The following RALYL variants were observed in gnomAD, a reference collection of about 807,000 sequenced individuals.
The protein encoded by RALYL is RALY RNA binding protein like, also known as RNA-binding Raly-like protein.
A neutral mutation model predicts 35.1 loss-of-function variants in RALYL; 29 were observed. That is an observed-to-expected ratio of 0.83 (90% CI 0.61 to 1.13). The LOEUF (loss-of-function observed/expected upper bound fraction) is 1.13, where lower values mean the gene tolerates loss of function less well. Ranked by LOEUF, RALYL falls within the 50% of genes most tolerant of loss-of-function variation. The probability of loss-of-function intolerance (pLI) is 0.00; values close to 1 mark genes in which losing one functional copy is unlikely to be tolerated. For synonymous variants in RALYL, 120 were observed against 127.6 expected (o/e 0.94, Z 0.40); for missense variants, 359 against 360.4 (o/e 1.00, Z 0.03).
intron 1 of RALYL, among the ~76,000 whole-genome samples, chr8:84,311,699 A>G (rs1842848329): frequency 6.6e-6 from 1 of 152,178 alleles, no homozygotes; most frequent in African/African-American, 2.4e-5. Context: ...AGAAAAAAGA[A>G]TAAATAACTA....
intron 3 of RALYL, 86 bp downstream of exon 3, chr8:84,774,740 C>T (rs2718970): frequency 0.23 from 180,638 of 792,028 alleles, 22,107 homozygotes; most frequent in Non-Finnish European, 0.24. Flanking sequence ...AAGGCATCCA[C>T]TATTTAAAAT....
At chr8:84,317,512 G>A (rs1843972496) in intron 1 of RALYL, among the ~76,000 whole-genome samples, 1 of 152,200 alleles carries the variant, frequency 6.6e-6, no homozygotes, top group Non-Finnish European at 1.5e-5. Flanking sequence ...AGCAATGAGA[G>A]AATCTTTTCA....
At chr8:84,848,415 G>A (rs1563737832) in intron 4 of RALYL, among the ~76,000 whole-genome samples, 2 of 144,768 alleles carry the variant, frequency 1.4e-5, no homozygotes, top group African/African-American at 4.9e-5. Context: ...ATATGTGTGT[G>A]TATATATATA....
intron 2 of RALYL, among the ~76,000 whole-genome samples, chr8:84,638,279 A>G (rs1326884990): frequency 1.4e-5 from 2 of 148,122 alleles, no homozygotes; most frequent in East Asian, 1.9e-4. Context: ...TAGTGACACA[A>G]CCTATCAAAA....
chr8:84,758,290 T>C (rs1199428864), intron 2 of RALYL, among the ~76,000 whole-genome samples: 2 of 152,224 alleles, frequency 1.3e-5, no homozygotes, highest in African/African-American at 2.4e-5. Context: ...ACCTGATTAG[T>C]ACTTTTTCTT....
At chr8:84,598,140 C>T (rs1320934229) in intron 2 of RALYL, among the ~76,000 whole-genome samples, 2 of 152,016 alleles carry the variant, frequency 1.3e-5, no homozygotes, top group Non-Finnish European at 2.9e-5. Flanking sequence ...ATGCCTTACT[C>T]CTCCCTCTTT....
intron 1 of RALYL, among the ~76,000 whole-genome samples, chr8:84,356,895 A>ATT (rs1160720299): frequency 0.025 from 3,577 of 142,538 alleles, 210 homozygotes; most frequent in African/African-American, 0.037. Flanking sequence ...TATATATAGA[A>ATT]TAATAGAGTA....
At chr8:84,200,126 C>T (rs1009431822) in intron 1 of RALYL, among the ~76,000 whole-genome samples, 5 of 152,098 alleles carry the variant, frequency 3.3e-5, no homozygotes, top group South Asian at 2.1e-4. Context: ...TGCTTTTACT[C>T]GTTTGAGCTT....
At chr8:84,266,368 A>G (rs1170009825) in intron 1 of RALYL, among the ~76,000 whole-genome samples, 1 of 152,208 alleles carries the variant, frequency 6.6e-6, no homozygotes, top group African/African-American at 2.4e-5. Flanking sequence ...CTATTATCTT[A>G]ATAACAATGA....
At chr8:84,708,362 G>C (rs1841572666) in intron 2 of RALYL, among the ~76,000 whole-genome samples, 1 of 152,082 alleles carries the variant, frequency 6.6e-6, no homozygotes, top group Non-Finnish European at 1.5e-5. Flanking sequence ...GAGAGGGAGG[G>C]AAGAGTGCCC....
At chr8:84,199,747 G>T (rs1406589890) in intron 1 of RALYL, among the ~76,000 whole-genome samples, 5 of 152,100 alleles carry the variant, frequency 3.3e-5, no homozygotes, top group Non-Finnish European at 5.9e-5. Context: ...ATTTATTAAA[G>T]AAACTGTCTT....
intron 1 of RALYL, among the ~76,000 whole-genome samples, chr8:84,514,382 G>A (rs2057890424): frequency 6.6e-6 from 1 of 152,104 alleles, no homozygotes; most frequent in Non-Finnish European, 1.5e-5. Flanking sequence ...GTATAACAAA[G>A]TATTTGAGAT....
chr8:84,243,266 T>TTTGTTG (rs928934847), intron 1 of RALYL, among the ~76,000 whole-genome samples: 2 of 152,010 alleles, frequency 1.3e-5, no homozygotes, highest in East Asian at 3.9e-4. Flanking sequence ...CCAGCGTGTT[T>TTTGTTG]TTGTTGTTGT....
chr8:84,638,298 AC>A (rs1825489187), intron 2 of RALYL, among the ~76,000 whole-genome samples: 1 of 151,998 alleles, frequency 6.6e-6, no homozygotes, highest in African/African-American at 2.4e-5. Context: ...AACTTCTGGG[AC>A]ACAGCAAGTG....
chr8:84,240,513 T>G (rs1409299071), intron 1 of RALYL, among the ~76,000 whole-genome samples: 2 of 152,164 alleles, frequency 1.3e-5, no homozygotes, highest in Non-Finnish European at 2.9e-5. Context: ...GTAGGGAACT[T>G]TCATTCTTCA....
At chr8:84,850,978 G>A (rs935332712) in intron 5 of RALYL, among the ~76,000 whole-genome samples, 1 of 152,076 alleles carries the variant, frequency 6.6e-6, no homozygotes, top group Non-Finnish European at 1.5e-5. Flanking sequence ...CATACCTAGA[G>A]TCTCTTGAGT....
chr8:84,437,726 G>A (rs1439457338), intron 1 of RALYL, among the ~76,000 whole-genome samples: 5 of 152,062 alleles, frequency 3.3e-5, no homozygotes, highest in African/African-American at 7.2e-5. Flanking sequence ...TGATGATTTG[G>A]TGCTGTCTTC....
intron 7 of RALYL, among the ~76,000 whole-genome samples, chr8:84,879,485 A>C (rs865809771): frequency 6.6e-6 from 1 of 152,146 alleles, no homozygotes. Flanking sequence ...CTCTAGAGAG[A>C]TGGGAAGTGA....
At chr8:84,705,974 G>A in intron 2 of RALYL, 1 of 1,533,184 alleles carries the variant, frequency 6.5e-7, no homozygotes, top group Non-Finnish European at 8.7e-7. Flanking sequence ...CCGTCTCTTT[G>A]TCTCCGTGGT....
Sources: allele counts gnomAD v4.1 joint callset (sites outside exome capture counted in the v4.1 genomes callset), GRCh38; gene constraint gnomAD v4.1.1; transcripts MANE v1.5; gene names NCBI Gene and HGNC (gene_info 2026-07-23, HGNC 2026-07-21).